The following MMEL1 variants were observed in gnomAD, a reference collection of about 807,000 sequenced individuals.
MMEL1 encodes membrane metalloendopeptidase like 1.
Under a neutral mutation model 117.1 loss-of-function variants are expected in MMEL1, and 98 were observed. That is an observed-to-expected ratio of 0.84 (90% CI 0.71 to 0.99). The LOEUF is 0.99. Among genes scored for constraint, MMEL1 ranks in the 50% least tolerant of loss-of-function variants. The pLI, the probability that MMEL1 is intolerant of heterozygous loss-of-function variation, is 0.00. For synonymous variants in MMEL1, 390 were observed against 415.1 expected (o/e 0.94, Z 0.74); for missense variants, 1,014 against 1,049.1 (o/e 0.97, Z 0.46).
chr1:2,601,453 C>G (rs1644930637), intron 11 of MMEL1, among the ~76,000 whole-genome samples: 1 of 152,134 alleles, frequency 6.6e-6, no homozygotes, highest in Non-Finnish European at 1.5e-5. Context: ...TTAAAAAAAT[C>G]AACTCACAGT....
chr1:2,627,449 T>C (rs1638328580), intron 2 of MMEL1, among the ~76,000 whole-genome samples: 1 of 152,194 alleles, frequency 6.6e-6, no homozygotes, highest in South Asian at 2.1e-4. Context: ...ATTGATCTAG[T>C]GGATGTAGAT....
At chr1:2,613,868 A>T (rs1645165567) in intron 2 of MMEL1, among the ~76,000 whole-genome samples, 1 of 152,126 alleles carries the variant, frequency 6.6e-6, no homozygotes, top group African/African-American at 2.4e-5. Context: ...AAACAAAAAC[A>T]AAAAACAAAA....
chr1:2,598,753 G>T lies in MMEL1; in HGVS notation c.1079C>A (p.Ser360Tyr). The T allele has an allele frequency of 6.2e-7, 1 of 1,614,076 alleles. No homozygotes were observed. The highest frequency in any genetic ancestry group is 2.2e-5 in the East Asian group (1 of 44,884). Residue 360 changes from serine to tyrosine, a missense_variant, in exon 12 of 24, where the codon TCC (serine) becomes TAC (tyrosine). By Grantham distance (144) the Ser-to-Tyr change is moderately radical. Coordinates refer to ENST00000378412, the MANE Select transcript of MMEL1 (RefSeq NM_033467.4). The stretch of plus-strand genomic sequence containing the variant: ...TGGCAGCAGCTTGATTTTGACAGAG[G>T]ATAGCACAGTTTGTATGAACAGAGT... ...NWTLFIQTVLSSVKIKLLPDE... is the reference protein window; with the variant it reads ...NWTLFIQTVLYSVKIKLLPDE...
intron 21 of MMEL1, 92 bp from the exon 22 acceptor site, chr1:2,592,119 G>T: frequency 9.4e-7 from 1 of 1,067,428 alleles, no homozygotes; most frequent in Non-Finnish European, 1.4e-6. Flanking sequence ...CTGGCTCCAG[G>T]ACCTACCCCT....
In MMEL1 at chr1:2,612,070, T is replaced by G. The variant is rs1262143057; in HGVS notation, c.232+57A>C. 6.9e-7 allele frequency: 1 copy of G among 1,447,286 alleles called. No homozygotes were observed. Among genetic ancestry groups the G allele is most frequent in the South Asian group, 1.2e-5 (1 of 82,098 alleles). The allele number at this position is 1,447,286 out of a possible 1,614,324, so 89.7% of individuals were successfully genotyped here. A position where few individuals can be genotyped will look rare whatever the true frequency, so the allele number is the denominator to read the frequency against. Reference sequence around the variant, plus strand: ...TGCCCCTCCACGGAGTCCCCCCACCTTGGGAGGCCAGCGCCCACCTGCCTG... The same window carrying G: ...TGCCCCTCCACGGAGTCCCCCCACCGTGGGAGGCCAGCGCCCACCTGCCTG... On this transcript the variant is annotated intron_variant, in intron 3 of 23. Coordinates refer to ENST00000378412, the MANE Select transcript of MMEL1 (RefSeq NM_033467.4). This position sits in a 1 kb window ranked among gnomAD's most constrained non-coding sequence, Gnocchi z 5.4.
At chr1:2,603,316 A>C (rs1644964815) in intron 11 of MMEL1, among the ~76,000 whole-genome samples, 1 of 152,136 alleles carries the variant, frequency 6.6e-6, no homozygotes, top group Non-Finnish European at 1.5e-5. Flanking sequence ...GGCCCTCGAG[A>C]AGGCCAGCTG....
intron 1 of MMEL1, among the ~76,000 whole-genome samples, chr1:2,630,997 C>G (rs543412116): frequency 1.4e-5 from 2 of 146,270 alleles, no homozygotes; most frequent in African/African-American, 2.5e-5. Flanking sequence ...GATTGTGCAC[C>G]TGTGCGTGTG....
At chr1:2,604,002 G>C in intron 10 of MMEL1, 29 bp from the exon 11 acceptor site, 3 of 1,610,828 alleles carry the variant, frequency 1.9e-6, no homozygotes, top group East Asian at 2.2e-5. Context: ...TCACACGGGC[G>C]GGTGGCCAGG....
At chr1:2,604,122 T>TTGC in intron 10 of MMEL1, 25 bp downstream of exon 10, 2 of 1,357,428 alleles carry the variant, frequency 1.5e-6, no homozygotes, top group Non-Finnish European at 2.1e-6. Context: ...CGCTGCCCGC[T>TTGC]CCCCACCCGC....
chr1:2,602,311 G>C (rs940469530), intron 11 of MMEL1, among the ~76,000 whole-genome samples: 1 of 152,128 alleles, frequency 6.6e-6, no homozygotes, highest in Non-Finnish European at 1.5e-5. Context: ...TGTTCACTCT[G>C]GGGCGATTCT....
At chr1:2,629,275 G>A (rs1638422277) in intron 2 of MMEL1, 56 bp downstream of exon 2, 2 of 1,489,506 alleles carry the variant, frequency 1.3e-6, no homozygotes, top group Non-Finnish European at 8.9e-7. Context: ...AGGTGCAGCG[G>A]GGCGAGCGCG....
intron 13 of MMEL1, among the ~76,000 whole-genome samples, chr1:2,596,949 C>T (rs557424809): frequency 3.2e-4 from 49 of 152,182 alleles, no homozygotes; most frequent in African/African-American, 9.9e-4. Flanking sequence ...GGGGGTTCCT[C>T]CCCGGCCCCT....
chr1:2,622,484 A>G (rs1381331353), intron 2 of MMEL1, among the ~76,000 whole-genome samples: 3 of 152,264 alleles, frequency 2.0e-5, no homozygotes, highest in African/African-American at 7.2e-5. Flanking sequence ...AGATGTAAGA[A>G]GAAAGATGCA....
At chr1:2,629,108 G>A (rs1212642410) in intron 2 of MMEL1, among the ~76,000 whole-genome samples, 6 of 152,126 alleles carry the variant, frequency 3.9e-5, no homozygotes, top group African/African-American at 1.4e-4. Flanking sequence ...CCGGGGCAGA[G>A]CTTTCTGGAA....
At chr1:2,597,336 C>A (rs72644684) in intron 13 of MMEL1, among the ~76,000 whole-genome samples, 16,563 of 152,008 alleles carry the variant, frequency 0.11, 1,231 homozygotes, top group Non-Finnish European at 0.16. Flanking sequence ...GACCTACCCC[C>A]CCATGGCAAC....
chr1:2,604,115 T>G, intron 10 of MMEL1, 32 bp downstream of exon 10: 1 of 1,545,572 alleles, frequency 6.5e-7, no homozygotes, highest in Non-Finnish European at 8.9e-7. Flanking sequence ...GCCCACTCGC[T>G]GCCCGCTCCC....
intron 7 of MMEL1, 40 bp from the exon 8 acceptor site, chr1:2,606,406 TGGGGCCCCAGCCCGGCCCCTTGTC>T: frequency 6.5e-7 from 1 of 1,534,128 alleles, no homozygotes; most frequent in Non-Finnish European, 8.9e-7. Flanking sequence ...TGGCGGGCCC[TGGGGCCCCAGCCCGGCCCCTTGTC>T]GGTGAATCTG....
intron 4 of MMEL1, 122 bp downstream of exon 4, chr1:2,611,159 G>C: frequency 1.0e-6 from 1 of 999,162 alleles, no homozygotes; most frequent in Non-Finnish European, 1.5e-6. Context: ...CGGCCCACCC[G>C]GCTCCACCGC....
chr1:2,592,355 G>C (rs1453938057), intron 21 of MMEL1, among the ~76,000 whole-genome samples: 1 of 56,808 alleles, frequency 1.8e-5, no homozygotes, highest in Non-Finnish European at 3.2e-5. Context: ...CCATGCTGAC[G>C]CCCCCTCCCC....
Sources: gnomAD v4.1 joint callset for allele counts (sites outside exome capture counted in the v4.1 genomes callset) on GRCh38, gnomAD v4.1.1 for gene constraint, Gnocchi (gnomAD v3.1) non-coding constraint, MANE v1.5 for transcripts, NCBI Gene and HGNC (gene_info 2026-07-23, HGNC 2026-07-21) for gene names.